NOMO1: variants seen among roughly 807,000 people sequenced by gnomAD.
NOMO1 encodes nodal modulator 3.
NOMO1 carries 40 observed loss-of-function variants against 133.8 expected under a neutral mutation model. The observed-to-expected ratio is 0.30, with a 90% CI of 0.23 to 0.39. NOMO1 has a LOEUF of 0.39. NOMO1 is among the 10% of genes least tolerant of loss of function. The probability of loss-of-function intolerance (pLI) is 1.00; values close to 1 mark genes in which losing one functional copy is unlikely to be tolerated. For synonymous variants in NOMO1, 236 were observed against 570.5 expected (o/e 0.41, Z 8.36); for missense variants, 462 against 1,419.9 (o/e 0.33, Z 10.84).
chr16:14,836,867 G>A (rs1168982369), intron 1 of NOMO1, among the ~76,000 whole-genome samples: 16 of 150,740 alleles, frequency 1.1e-4, no homozygotes, highest in African/African-American at 1.9e-4. Context: ...CACCGCGCCC[G>A]GCTAATTTTT....
chr16:14,891,451 A>AT (rs1489011163), intron 29 of NOMO1, among the ~76,000 whole-genome samples: 7 of 150,338 alleles, frequency 4.7e-5, no homozygotes, highest in Admixed American at 2.6e-4. Context: ...AAATGTGTTG[A>AT]TTTTTTTCTT....
Position 14,889,092 on chromosome 16 carries a change from A to G in NOMO1, c.3325-4A>G, listed in dbSNP as rs1433047849. The G allele has an allele frequency of 4.3e-6, 7 of 1,611,680 alleles. No homozygotes were observed. The highest frequency in any genetic ancestry group is 4.0e-5 in the African/African-American group (3 of 74,734). ...AAAAATAACTTCTTCCCATGTGTGCACAGAACTATGTTGTGCTTCTGGACT... is the reference window on the plus strand; with the variant it reads ...AAAAATAACTTCTTCCCATGTGTGCGCAGAACTATGTTGTGCTTCTGGACT... On this transcript the variant is annotated splice_region_variant and splice_polypyrimidine_tract_variant and intron_variant, in intron 28 of 30. Coordinates refer to ENST00000287667, the MANE Select transcript of NOMO1 (RefSeq NM_014287.4).
intron 1 of NOMO1, among the ~76,000 whole-genome samples, chr16:14,836,671 T>C (rs1326018103): frequency 1.3e-5 from 2 of 151,274 alleles, no homozygotes; most frequent in East Asian, 3.9e-4. Context: ...TAAATAGTAA[T>C]ACAAACTGCT....
chr16:14,885,898 G>T (rs1191670307), intron 27 of NOMO1, among the ~76,000 whole-genome samples: 1 of 151,898 alleles, frequency 6.6e-6, no homozygotes, highest in Non-Finnish European at 1.5e-5. Flanking sequence ...TGTTATAGAA[G>T]AAAAAAGAAC....
chr16:14,893,831 G>A (rs1384010276), intron 29 of NOMO1, among the ~76,000 whole-genome samples: 1 of 151,872 alleles, frequency 6.6e-6, no homozygotes, highest in Admixed American at 6.6e-5. Flanking sequence ...TCCGTTAGCT[G>A]TGGGCGTGAT....
chr16:14,845,395 A>G (rs1963664829), intron 4 of NOMO1, among the ~76,000 whole-genome samples: 1 of 151,788 alleles, frequency 6.6e-6, no homozygotes, highest in Admixed American at 6.6e-5. Flanking sequence ...GGAAGGACGC[A>G]CTCTCTAAGC....
At chr16:14,869,721 T>A (rs1964054915) in intron 16 of NOMO1, among the ~76,000 whole-genome samples, 1 of 151,788 alleles carries the variant, frequency 6.6e-6, no homozygotes, top group Admixed American at 6.6e-5. Flanking sequence ...TACAAGTCTT[T>A]GTGTCCGTAT....
chr16:14,860,311 T>G (rs1258398399), intron 11 of NOMO1, among the ~76,000 whole-genome samples: 11 of 148,106 alleles, frequency 7.4e-5, no homozygotes, highest in Non-Finnish European at 1.6e-4. Context: ...GGGGTTGCAG[T>G]GAGCTGAGAT....
Position 14,864,593 on chromosome 16 carries a change from T to C in NOMO1, c.1404T>C (p.Val468=). 1 of 1,612,272 alleles carries C rather than the reference T, an allele frequency of 6.2e-7. No individual in the cohort carries two copies. Among genetic ancestry groups the C allele is most frequent in the South Asian group, 1.1e-5 (1 of 91,054 alleles). Residue 468 remains valine, a synonymous_variant, in exon 13 of 31, where the codon GTT becomes GTC. Transcript: ENST00000287667. ...CATCCACGTTTCCACAGGTGATGGT[T>C]CCTGAGGCAGAAACCAGAGCAGGGC... ...KPGTYKVQVM[V]PEAETRAGLT... is the part of the protein sequence containing the mutation.
intron 11 of NOMO1, among the ~76,000 whole-genome samples, chr16:14,859,495 A>C (rs954943110): frequency 6.6e-6 from 1 of 151,984 alleles, no homozygotes; most frequent in South Asian, 2.1e-4. Flanking sequence ...CTTTCACCCT[A>C]CCAGGGAGAC....
At chr16:14,867,879 T>C (rs1964027065) in intron 15 of NOMO1, among the ~76,000 whole-genome samples, 1 of 139,460 alleles carries the variant, frequency 7.2e-6, no homozygotes, top group Non-Finnish European at 1.6e-5. Context: ...TTTCCAGCTC[T>C]CTTGTAATAA....
At chr16:14,838,194 T>C (rs1241942007) in intron 1 of NOMO1, among the ~76,000 whole-genome samples, 2 of 152,094 alleles carry the variant, frequency 1.3e-5, no homozygotes, top group East Asian at 3.9e-4. Flanking sequence ...TGTAATAGGC[T>C]GTAGATGGTT....
At chr16:14,841,900 C>CA (rs1963608494) in intron 3 of NOMO1, among the ~76,000 whole-genome samples, 1 of 151,592 alleles carries the variant, frequency 6.6e-6, no homozygotes, top group Non-Finnish European at 1.5e-5. Context: ...GTTACTTCCC[C>CA]CGTGTCAGCC....
chr16:14,875,821 T>TG (rs781145507), intron 20 of NOMO1, among the ~76,000 whole-genome samples: 8 of 151,828 alleles, frequency 5.3e-5, no homozygotes, highest in Non-Finnish European at 1.2e-4. Flanking sequence ...CAGAGCATGA[T>TG]GGGAGGGTCT....
intron 15 of NOMO1, 54 bp from the exon 16 acceptor site, chr16:14,868,494 A>G: frequency 1.4e-6 from 2 of 1,465,346 alleles, no homozygotes; most frequent in Non-Finnish European, 1.9e-6. Context: ...ATTATTAATC[A>G]TCTTGGTGTC....
intron 1 of NOMO1, among the ~76,000 whole-genome samples, chr16:14,836,730 G>A (rs199501654): frequency 0.025 from 3,122 of 127,190 alleles, 5 homozygotes; most frequent in African/African-American, 0.085. Context: ...ACGGAGTCTC[G>A]CTCTGTCGCC....
At chr16:14,854,758 AG>A (rs1162601276) in intron 9 of NOMO1, among the ~76,000 whole-genome samples, 7 of 148,108 alleles carry the variant, frequency 4.7e-5, no homozygotes, top group Non-Finnish European at 8.9e-5. Context: ...GTACAGTATC[AG>A]GGTGGAGACA....
intron 15 of NOMO1, 46 bp downstream of exon 15, chr16:14,866,737 T>C: frequency 6.2e-7 from 1 of 1,609,858 alleles, no homozygotes; most frequent in Non-Finnish European, 8.5e-7. Flanking sequence ...GCGCTCGCCT[T>C]GTGGATGTCA....
chr16:14,862,196 T>C (rs1290185942), intron 11 of NOMO1, among the ~76,000 whole-genome samples: 1 of 151,930 alleles, frequency 6.6e-6, no homozygotes, highest in East Asian at 1.9e-4. Context: ...TTGAAGATTC[T>C]TTAAAATGAA....
Sources: allele counts gnomAD v4.1 joint callset (sites outside exome capture counted in the v4.1 genomes callset), GRCh38; gene constraint gnomAD v4.1.1; transcripts MANE v1.5; gene names NCBI Gene and HGNC (gene_info 2026-07-23, HGNC 2026-07-21).